TRIM6: variants seen among roughly 807,000 people sequenced by gnomAD.
TRIM6 encodes the protein tripartite motif containing 6, also known as tripartite motif-containing protein 6.
Under a neutral mutation model 51.2 loss-of-function variants are expected in TRIM6, and 43 were observed. That is an observed-to-expected ratio of 0.84 (90% CI 0.66 to 1.08). TRIM6 has a LOEUF of 1.08. Ranked by LOEUF, TRIM6 falls within the 50% of genes least tolerant of loss-of-function variation. The pLI is 0.00. For missense variants in TRIM6, 669 were observed against 619.0 expected, an observed-to-expected ratio of 1.08 and a Z score of -0.86; for synonymous variants, 215 against 232.4, an observed-to-expected ratio of 0.93 and a Z score of 0.68.
chr11:5,612,766 G>A lies in TRIM6; in HGVS notation c.*1424G>A, dbSNP rs1247116964. ...CATATGGTATCCAGGAGCCACCAAT[G>A]TCTGTTGAGTACTTCATACATGCCT... is the stretch of plus-strand genomic sequence containing the variant. On this transcript the variant is annotated 3_prime_UTR_variant, in exon 8 of 8. Transcript: ENST00000380097. 1 of 152,178 alleles carries A rather than the reference G, an allele frequency of 6.6e-6. No individual in the cohort carries two copies. The highest frequency in any genetic ancestry group is 2.4e-5 in the African/African-American group (1 of 41,436). The allele number at this position is 152,178 out of a possible 1,614,324, so 9.4% of individuals were successfully genotyped here.
intron 1 of TRIM6, among the ~76,000 whole-genome samples, chr11:5,599,467 G>T (rs56253733): frequency 0.1 from 15,659 of 151,954 alleles, 849 homozygotes; most frequent in Middle Eastern, 0.25. Flanking sequence ...GCAGTGGCAC[G>T]ATCTCGACTC....
At position 5,609,144 on chromosome 11, in the gene TRIM6, C is replaced by T. The variant is rs1848411564; in HGVS notation, c.857+750C>T. On this transcript the variant is annotated intron_variant, in intron 5 of 7. Coordinates refer to ENST00000380097, the MANE Select transcript of TRIM6 (RefSeq NM_001003818.3). ...CGGGAATCAAACATGTTCTCTATCA[C>T]ATACTCCAGAGTCTCATCCAACAAG... is the stretch of plus-strand genomic sequence containing the variant. Among the ~76,000 whole-genome samples the T allele has an allele frequency of 2.0e-5, 3 of 152,118 alleles. No individual in the cohort carries two copies. The South Asian group carries it at 6.2e-4, about 32-fold the overall frequency.
rs749313821 is a variant in TRIM6 at position 5,610,374 on chromosome 11, T to C, written c.958+129T>C. The C allele has an allele frequency of 2.1e-4, 321 of 1,563,716 alleles. 1 individual carries two copies. The highest frequency in any genetic ancestry group is 4.7e-4 in the East Asian group (21 of 44,544). On this transcript the variant is annotated intron_variant, in intron 6 of 7. Transcript: ENST00000380097. ...GGAGGTCCCAGAGGGAGGGACATAG[T>C]GTGCTGAAGAAGATGCGGTTTGTAT...
intron 3 of TRIM6, 148 bp downstream of exon 3, chr11:5,604,777 C>A: frequency 1.3e-6 from 1 of 745,966 alleles, no homozygotes; most frequent in Non-Finnish European, 2.0e-6. Flanking sequence ...ATATTCCTTC[C>A]AAACAGGGGG....
Position 5,603,414 on chromosome 11 carries a change from C to T in TRIM6, c.186C>T (p.Phe62=), listed in dbSNP as rs1296778662. 6 of 1,614,078 alleles carry T rather than the reference C, an allele frequency of 3.7e-6. No individual in the cohort carries two copies. The highest frequency in any genetic ancestry group is 1.7e-5 in the Admixed American group (1 of 60,006). Residue 62 remains phenylalanine, a synonymous_variant, in exon 2 of 8, where the codon TTC becomes TTT. Transcript: ENST00000380097. ...EPLSIDCGHS[F]CQACITPNGR... is the part of the protein sequence containing the mutation. ...TGAGCATAGACTGTGGCCACAGCTT[C>T]TGCCAAGCCTGCATCACACCAAATG...
intron 3 of TRIM6, chr11:5,604,862 G>T: frequency 2.0e-6 from 1 of 488,330 alleles, no homozygotes. Flanking sequence ...ACCATGGCTA[G>T]GGGTCGCCCC....
rs1848573113 is a variant in TRIM6, at chr11:5,611,439, C to A, written c.*97C>A. On this transcript the variant is annotated 3_prime_UTR_variant, in exon 8 of 8. Transcript: ENST00000380097. ...CTTCTGTTTTTCTGTGTTCTCAATTCTTTTGTTGTTTTTTGGTTTTTGAAT... is the reference window on the plus strand; with the variant it reads ...CTTCTGTTTTTCTGTGTTCTCAATTATTTTGTTGTTTTTTGGTTTTTGAAT... The A allele has an allele frequency of 3.5e-6, 4 of 1,139,316 alleles. No homozygotes were observed. In the South Asian group the frequency reaches 4.6e-5, roughly 13 times the overall value. The allele number at this position is 1,139,316 out of a possible 1,614,324, so 70.6% of individuals were successfully genotyped here.
intron 4 of TRIM6, among the ~76,000 whole-genome samples, chr11:5,606,363 C>G (rs1425286807): frequency 6.6e-6 from 1 of 152,142 alleles, no homozygotes; most frequent in South Asian, 2.1e-4. Context: ...GAAATTCTAG[C>G]AGCTATTTTC....
chr11:5,604,178 G>C (rs541639566), intron 2 of TRIM6, among the ~76,000 whole-genome samples: 1 of 131,090 alleles, frequency 7.6e-6, no homozygotes, highest in Non-Finnish European at 1.8e-5. Flanking sequence ...GTGTGTGTGC[G>C]TGTGTGTGTG....
In TRIM6 at chr11:5,612,919, C is replaced by T. The variant is rs1031712967; in HGVS notation, c.*1577C>T. ...GTATTGCAATGATAATATGTTGGCT[C>T]TATTGGATTAAATAAAGTATGTTAT... On this transcript the variant is annotated 3_prime_UTR_variant, in exon 8 of 8. Coordinates refer to ENST00000380097, the MANE Select transcript of TRIM6 (RefSeq NM_001003818.3). The T allele has an allele frequency of 2.6e-5, 4 of 152,132 alleles. No homozygotes were observed. Among genetic ancestry groups the T allele is most frequent in the Non-Finnish European group, 5.9e-5 (4 of 68,032 alleles). The allele number at this position is 152,132 out of a possible 1,614,324, so 9.4% of individuals were successfully genotyped here. A position where few individuals can be genotyped will look rare whatever the true frequency, so the allele number is the denominator to read the frequency against.
At chr11:5,603,804 C>A in intron 2 of TRIM6, 69 bp downstream of exon 2, 1 of 1,563,748 alleles carries the variant, frequency 6.4e-7, no homozygotes, top group East Asian at 2.3e-5. Flanking sequence ...TTTTATCATG[C>A]TCTGATCTAA....
At chr11:5,605,103 T>C in intron 3 of TRIM6, 1 of 564,996 alleles carries the variant, frequency 1.8e-6, no homozygotes, top group Non-Finnish European at 3.1e-6. Flanking sequence ...GGAATCACAG[T>C]TGATGTCTAG....
chr11:5,608,668 G>T (rs1407668929), intron 5 of TRIM6, among the ~76,000 whole-genome samples: 2 of 151,744 alleles, frequency 1.3e-5, no homozygotes, highest in Non-Finnish European at 2.9e-5. Flanking sequence ...TCCAGCCTGG[G>T]AGACAAAGGG....
intron 1 of TRIM6, among the ~76,000 whole-genome samples, chr11:5,600,205 G>A (rs1847750902): frequency 6.6e-6 from 1 of 152,156 alleles, no homozygotes; most frequent in Non-Finnish European, 1.5e-5. Flanking sequence ...CTGCGTATCT[G>A]CATTCAACAC....
At chr11:5,600,046 CAG>C (rs1847741106) in intron 1 of TRIM6, among the ~76,000 whole-genome samples, 1 of 152,162 alleles carries the variant, frequency 6.6e-6, no homozygotes, top group Non-Finnish European at 1.5e-5. Context: ...TTTGGTTAAA[CAG>C]ACTCTCAGAT....
intron 6 of TRIM6, 125 bp from the exon 7 acceptor site, chr11:5,610,410 A>G (rs763552757): frequency 1.7e-5 from 27 of 1,586,104 alleles, no homozygotes; most frequent in East Asian, 2.2e-5. Context: ...TTAAGGGGAG[A>G]TGAAATGGCC....
intron 1 of TRIM6, among the ~76,000 whole-genome samples, chr11:5,597,331 T>C (rs1847532848): frequency 6.6e-6 from 1 of 152,226 alleles, no homozygotes; most frequent in African/African-American, 2.4e-5. Context: ...TCATTATTAC[T>C]GGCAAACTCC....
At chr11:5,605,662 G>C (rs370829342) in intron 4 of TRIM6, 95 bp downstream of exon 4, 1 of 1,422,578 alleles carries the variant, frequency 7.0e-7, no homozygotes, top group African/African-American at 1.4e-5. Context: ...TCGTTGCAGG[G>C]ACAAGAGAAA....
At chr11:5,599,383 ATATTTATT>A (rs60859015) in intron 1 of TRIM6, among the ~76,000 whole-genome samples, 4,993 of 146,898 alleles carry the variant, frequency 0.034, 149 homozygotes, top group East Asian at 0.13. Context: ...TACAATTATT[ATATTTATT>A]TATTTATTTA....
Sources: allele counts gnomAD v4.1 joint callset (sites outside exome capture counted in the v4.1 genomes callset), GRCh38; gene constraint gnomAD v4.1.1; transcripts MANE v1.5; gene names NCBI Gene and HGNC (gene_info 2026-07-23, HGNC 2026-07-21).